The following EPHA3 variants were observed in gnomAD, a reference collection of about 807,000 sequenced individuals.
The protein encoded by EPHA3 is EPH receptor A3, also known as ephrin type-A receptor 3.
EPHA3 carries 42 observed loss-of-function variants against 107.1 expected under a neutral mutation model. The ratio of observed to expected loss-of-function variants is 0.39; its 90% CI spans 0.31 to 0.51. The LOEUF (loss-of-function observed/expected upper bound fraction) is 0.51. Ranked by LOEUF, EPHA3 falls within the 20% of genes least tolerant of loss-of-function variation. EPHA3 has a pLI of 0.78. For missense variants in EPHA3, 1,183 were observed against 1,211.2 expected (o/e 0.98, Z 0.35); for synonymous variants, 461 against 424.8 (o/e 1.09, Z -1.05).
intron 5 of EPHA3, among the ~76,000 whole-genome samples, chr3:89,388,107 A>G (rs965482462): frequency 6.6e-6 from 1 of 152,166 alleles, no homozygotes; most frequent in African/African-American, 2.4e-5. Context: ...GAATAACATA[A>G]GTTTATAGAG....
At chr3:89,173,282 C>T (rs1288691769) in intron 2 of EPHA3, among the ~76,000 whole-genome samples, 1 of 151,986 alleles carries the variant, frequency 6.6e-6, no homozygotes, top group Non-Finnish European at 1.5e-5. Flanking sequence ...ATTCTATACG[C>T]ATAAATTAAA....
At chr3:89,277,830 T>C (rs1705846534) in intron 3 of EPHA3, among the ~76,000 whole-genome samples, 1 of 152,178 alleles carries the variant, frequency 6.6e-6, no homozygotes, top group African/African-American at 2.4e-5. Context: ...GCAATTTTGT[T>C]CTGTTTTCTC....
At chr3:89,415,664 A>C (rs1383326818) in intron 10 of EPHA3, among the ~76,000 whole-genome samples, 1 of 151,140 alleles carries the variant, frequency 6.6e-6, no homozygotes, top group Non-Finnish European at 1.5e-5. Flanking sequence ...TGAGGAATTC[A>C]TGACTACAAT....
chr3:89,152,349 T>C (rs1437026179), intron 2 of EPHA3, among the ~76,000 whole-genome samples: 1 of 152,070 alleles, frequency 6.6e-6, no homozygotes, highest in African/African-American at 2.4e-5. Flanking sequence ...TTCCTTATTA[T>C]GATTAAACAC....
intron 3 of EPHA3, among the ~76,000 whole-genome samples, chr3:89,284,848 C>A (rs1202646869): frequency 6.6e-6 from 1 of 152,144 alleles, no homozygotes; most frequent in Admixed American, 6.6e-5. Flanking sequence ...AATGTGTTAG[C>A]CGATGCGGTG....
At position 89,361,328 on chromosome 3, in the gene EPHA3, G is replaced by C. The variant is rs560444870; in HGVS notation, c.1306+19238G>C. Among the ~76,000 whole-genome samples the C allele has an allele frequency of 3.1e-4, 47 of 150,852 alleles. 1 individual carries two copies. In the South Asian group the frequency reaches 6.3e-3, roughly 20 times the overall value. On this transcript the variant is annotated intron_variant, in intron 5 of 16. Transcript: ENST00000336596. Reference sequence around the variant, plus strand: ...TAAGATATAGCTTGAAAGTTGATATGAGTGGTGCTTTGTGACAGAACCACA... The same window carrying C: ...TAAGATATAGCTTGAAAGTTGATATCAGTGGTGCTTTGTGACAGAACCACA...
chr3:89,168,243 T>C (rs762611292), intron 2 of EPHA3, among the ~76,000 whole-genome samples: 2 of 152,160 alleles, frequency 1.3e-5, no homozygotes, highest in Non-Finnish European at 2.9e-5. Flanking sequence ...AAATAATTAG[T>C]GTACTAGTGC....
At chr3:89,333,993 T>C (rs1707345584) in intron 3 of EPHA3, among the ~76,000 whole-genome samples, 2 of 152,184 alleles carry the variant, frequency 1.3e-5, no homozygotes, top group Admixed American at 6.6e-5. Context: ...AGAGAAAATA[T>C]CTTATATTTT....
intron 9 of EPHA3, among the ~76,000 whole-genome samples, chr3:89,411,359 T>G (rs967976334): frequency 5.3e-5 from 8 of 151,872 alleles, no homozygotes; most frequent in African/African-American, 1.9e-4. Context: ...TATCCACACC[T>G]CGCCTCAAGC....
chr3:89,411,884 G>T (rs1251037556), intron 9 of EPHA3, among the ~76,000 whole-genome samples: 9 of 151,814 alleles, frequency 5.9e-5, no homozygotes, highest in Non-Finnish European at 2.9e-5. Flanking sequence ...CTCCCATTAT[G>T]AAGTAATATT....
intron 2 of EPHA3, among the ~76,000 whole-genome samples, chr3:89,156,489 G>T (rs918007576): frequency 2.0e-5 from 3 of 152,016 alleles, no homozygotes; most frequent in African/African-American, 7.2e-5. Context: ...TGTGGAGGGG[G>T]TTATTTGGTG....
intron 3 of EPHA3, among the ~76,000 whole-genome samples, chr3:89,264,265 T>C (rs1193819303): frequency 6.6e-6 from 1 of 152,150 alleles, no homozygotes; most frequent in African/African-American, 2.4e-5. Context: ...ATAGGCATTC[T>C]CATTCTCATA....
chr3:89,322,868 G>A (rs1377552410), intron 3 of EPHA3, among the ~76,000 whole-genome samples: 2 of 150,922 alleles, frequency 1.3e-5, no homozygotes, highest in African/African-American at 5.0e-5. Flanking sequence ...GCTTTGACTT[G>A]TCTAATTTGT....
chr3:89,174,842 GT>G (rs1483172699), intron 2 of EPHA3, among the ~76,000 whole-genome samples: 1 of 151,794 alleles, frequency 6.6e-6, no homozygotes, highest in Non-Finnish European at 1.5e-5. Flanking sequence ...ATTATAAGAT[GT>G]TTTGACCCTA....
chr3:89,381,637 C>G (rs1218408801), intron 5 of EPHA3, among the ~76,000 whole-genome samples: 1 of 151,850 alleles, frequency 6.6e-6, no homozygotes, highest in African/African-American at 2.4e-5. Context: ...TCACAGCACT[C>G]CAGCCTGGGT....
intron 3 of EPHA3, among the ~76,000 whole-genome samples, chr3:89,244,822 G>T (rs1378782578): frequency 6.6e-6 from 1 of 152,084 alleles, no homozygotes; most frequent in Non-Finnish European, 1.5e-5. Flanking sequence ...TTTCAATTTT[G>T]CCAAATTCTG....
rs368660040 is a variant in EPHA3, at chr3:89,399,476, A to G, written c.1590A>G (p.Pro530=). 1.2e-6 allele frequency: 2 copies of G among 1,614,042 alleles called. No individual in the cohort carries two copies. The highest frequency in any genetic ancestry group is 2.7e-5 in the African/African-American group (2 of 74,934). Residue 530 remains proline (P), a synonymous_variant, in exon 7 of 17, where the codon CCA becomes CCG. Transcript: ENST00000336596. Reference sequence around the variant, plus strand: ...GCAAGTTTGAGTTTGAAACTAGTCCAGACTGTATGTATTATTTCAATGCAG... The same window carrying G: ...GCAAGTTTGAGTTTGAAACTAGTCCGGACTGTATGTATTATTTCAATGCAG... The part of the protein sequence containing the change: ...NSRKFEFETS[P]DSFSISGESS...
intron 2 of EPHA3, among the ~76,000 whole-genome samples, chr3:89,203,570 G>A (rs1325899611): frequency 6.6e-6 from 1 of 151,550 alleles, no homozygotes; most frequent in Non-Finnish European, 1.5e-5. Context: ...TCAGGAGATC[G>A]AGACCATCCT....
intron 13 of EPHA3, among the ~76,000 whole-genome samples, chr3:89,439,353 G>A (rs1351442449): frequency 2.0e-5 from 3 of 152,102 alleles, no homozygotes; most frequent in East Asian, 3.9e-4. Context: ...AGCTACTCAG[G>A]AGGCTGACGT....
Sources: allele counts gnomAD v4.1 joint callset (sites outside exome capture counted in the v4.1 genomes callset), GRCh38; gene constraint gnomAD v4.1.1; transcripts MANE v1.5; gene names NCBI Gene and HGNC (gene_info 2026-07-23, HGNC 2026-07-21).